Variants in ERG observed in about 807,000 individuals in gnomAD.
ERG encodes transcriptional regulator ERG.
A neutral mutation model predicts 55.3 loss-of-function variants in ERG; 9 were observed. That is an observed-to-expected ratio of 0.16 (90% CI 0.10 to 0.28). The LOEUF is 0.28. Among genes scored for constraint, ERG ranks in the 10% least tolerant of loss-of-function variants. The pLI, the probability that ERG is intolerant of heterozygous loss-of-function variation, is 1.00. For missense variants in ERG, 434 were observed against 631.6 expected (o/e 0.69, Z 3.35); for synonymous variants, 223 against 237.3 (o/e 0.94, Z 0.55).
At chr21:38,479,770 T>C (rs138503875) in intron 1 of ERG, among the ~76,000 whole-genome samples, 1 of 152,342 alleles carries the variant, frequency 6.6e-6, no homozygotes, top group African/African-American at 2.4e-5. Flanking sequence ...CTATCCACTG[T>C]GGTCATCAGT....
In ERG at chr21:38,509,132, C is replaced by G. The variant is rs186277303; in HGVS notation, c.-41+66530G>C. The stretch of plus-strand genomic sequence containing the variant: ...ATCTCAGCCCAATCAAGCCCTGGAA[C>G]CATGAGAGATTCTAAATAATAAAGT... On this transcript the variant is annotated intron_variant, in intron 2 of 8. Coordinates refer to the ERG transcript ENST00000398897. 1.9e-3 allele frequency among the ~76,000 whole-genome samples: 292 copies of G among 152,274 alleles called. 3 individuals carry two copies. The highest frequency in any genetic ancestry group is 6.7e-3 in the African/African-American group (277 of 41,544).
intron 9 of ERG, among the ~76,000 whole-genome samples, chr21:38,385,589 C>T (rs1298050161): frequency 6.6e-6 from 1 of 152,172 alleles, no homozygotes; most frequent in Non-Finnish European, 1.5e-5. Flanking sequence ...GAAAGGTCAG[C>T]TTTTTCTGAA....
intron 2 of ERG, among the ~76,000 whole-genome samples, chr21:38,427,374 T>A (rs1048522773): frequency 6.6e-6 from 1 of 152,140 alleles, no homozygotes; most frequent in Non-Finnish European, 1.5e-5. Context: ...TTCACCCAGG[T>A]TTCTCTTGCA....
intron 6 of ERG, among the ~76,000 whole-genome samples, chr21:38,394,122 C>A (rs1368925581): frequency 1.3e-5 from 2 of 152,148 alleles, no homozygotes; most frequent in Non-Finnish European, 2.9e-5. Context: ...ACTCACAAGG[C>A]AATCCTAGCC....
intron 1 of ERG, among the ~76,000 whole-genome samples, chr21:38,457,306 C>T (rs1182192743): frequency 6.6e-6 from 1 of 152,032 alleles, no homozygotes; most frequent in Non-Finnish European, 1.5e-5. Flanking sequence ...CGTGGTGGCA[C>T]ATGCCTGTAG....
At chr21:38,399,856 A>G (rs1016189522) in intron 6 of ERG, among the ~76,000 whole-genome samples, 4 of 152,176 alleles carry the variant, frequency 2.6e-5, no homozygotes, top group African/African-American at 9.7e-5. Flanking sequence ...AGGTCACTCT[A>G]CTGAAACATC....
intron 3 of ERG, among the ~76,000 whole-genome samples, chr21:38,407,949 A>G (rs964382838): frequency 1.3e-5 from 2 of 150,172 alleles, no homozygotes; most frequent in Non-Finnish European, 3.0e-5. Context: ...ATATATGTGA[A>G]AGTATTTTTA....
chr21:38,423,645 C>A (rs1989658624), intron 2 of ERG, 84 bp from the exon 3 acceptor site: 2 of 1,381,570 alleles, frequency 1.4e-6, no homozygotes, highest in Non-Finnish European at 2.0e-6. Context: ...CAGAGAGAAC[C>A]AAAGAAGGGC....
chr21:38,425,609 A>G (rs374718654), intron 2 of ERG, among the ~76,000 whole-genome samples: 14 of 152,308 alleles, frequency 9.2e-5, no homozygotes, highest in Admixed American at 3.9e-4. Context: ...GCTCTATCCA[A>G]TGCATACATT....
chr21:38,494,546 T>C (rs1160438941), intron 1 of ERG, among the ~76,000 whole-genome samples: 1 of 152,214 alleles, frequency 6.6e-6, no homozygotes, highest in Non-Finnish European at 1.5e-5. Flanking sequence ...ACAACAGAAA[T>C]GGTTGTTTCA....
At chr21:38,587,607 C>T (rs569874501), upstream of ERG, among the ~76,000 whole-genome samples, 13 of 152,286 alleles carry the variant, frequency 8.5e-5, no homozygotes, top group East Asian at 1.9e-4. Context: ...CCACCCGCCT[C>T]GGCCAAAGTG....
intron 2 of ERG, among the ~76,000 whole-genome samples, chr21:38,514,330 T>C (rs180968831): frequency 4.0e-5 from 6 of 151,784 alleles, no homozygotes; most frequent in African/African-American, 1.4e-4. Context: ...AAATTATGGG[T>C]CAATTTCATA....
chr21:38,391,301 C>T (rs927333345), intron 8 of ERG, among the ~76,000 whole-genome samples: 2 of 152,138 alleles, frequency 1.3e-5, no homozygotes, highest in Non-Finnish European at 1.5e-5. Context: ...AAGGCTCACA[C>T]CAACCAATGA....
chr21:38,403,777 C>T, intron 3 of ERG, 68 bp from the exon 4 acceptor site: 1 of 1,456,470 alleles, frequency 6.9e-7, no homozygotes, highest in South Asian at 1.2e-5. Context: ...GGTAGATCCC[C>T]ATCCACGTGG....
chr21:38,633,089 C>A (rs915893706), intron 1 of ERG, among the ~76,000 whole-genome samples: 1 of 152,068 alleles, frequency 6.6e-6, no homozygotes, highest in Admixed American at 6.5e-5. Context: ...CATGAATGAA[C>A]CTTGAGGACA....
intron 2 of ERG, among the ~76,000 whole-genome samples, chr21:38,506,378 T>C (rs376731475): frequency 9.8e-5 from 15 of 152,304 alleles, no homozygotes; most frequent in African/African-American, 3.4e-4. Context: ...CTAAGTGTTA[T>C]AGGAGGAATA....
intron 2 of ERG, among the ~76,000 whole-genome samples, chr21:38,503,581 C>T (rs1459066790): frequency 6.6e-6 from 1 of 152,108 alleles, no homozygotes. Flanking sequence ...AAATTCTGCA[C>T]ACATAAAACT....
chr21:38,404,505 C>T (rs1409777644), intron 3 of ERG, among the ~76,000 whole-genome samples: 5 of 152,168 alleles, frequency 3.3e-5, no homozygotes, highest in African/African-American at 7.2e-5. Context: ...CCAACAGAAA[C>T]GCCAGCCGGG....
intron 1 of ERG, among the ~76,000 whole-genome samples, chr21:38,457,978 G>A (rs1053602577): frequency 6.6e-6 from 1 of 152,194 alleles, no homozygotes. Flanking sequence ...TGTGAACACA[G>A]ACTCATTTTA....
Sources: gnomAD v4.1 joint callset for allele counts (sites outside exome capture counted in the v4.1 genomes callset) on GRCh38, gnomAD v4.1.1 for gene constraint, MANE v1.5 for transcripts, NCBI Gene and HGNC (gene_info 2026-07-23, HGNC 2026-07-21) for gene names.